SPATA9: variants seen among roughly 807,000 people sequenced by gnomAD.
SPATA9 encodes the protein spermatogenesis associated 9.
SPATA9 carries 27 observed loss-of-function variants against 25.5 expected under a neutral mutation model. The ratio of observed to expected loss-of-function variants is 1.06; its 90% confidence interval spans 0.78 to 1.46. The LOEUF is 1.46. Ranked by LOEUF, SPATA9 falls within the 40% of genes most tolerant of loss-of-function variation. The pLI is 0.00. For missense variants in SPATA9, 282 were observed against 297.5 expected, an observed-to-expected ratio of 0.95 and a Z score of 0.38; for synonymous variants, 102 against 105.7, an observed-to-expected ratio of 0.97 and a Z score of 0.21.
the SPATA9 span, among the ~76,000 whole-genome samples, chr5:95,703,845 T>C: frequency 6.6e-6 from 1 of 152,204 alleles, no homozygotes; most frequent in Non-Finnish European, 1.5e-5. Context: ...AATCATCAAT[T>C]ATTCACATAT....
At chr5:95,669,274 C>A (rs1752123217) in intron 3 of SPATA9, among the ~76,000 whole-genome samples, 1 of 152,168 alleles carries the variant, frequency 6.6e-6, no homozygotes, top group South Asian at 2.1e-4. Context: ...GGAGTTCTAT[C>A]TAGGAAATAT....
intron 3 of SPATA9, chr5:95,671,007 A>G: frequency 3.8e-6 from 2 of 529,682 alleles, no homozygotes; most frequent in Non-Finnish European, 4.8e-6. Context: ...CCAGCCCCCA[A>G]GGACCCTGGA....
intron 1 of SPATA9, among the ~76,000 whole-genome samples, chr5:95,692,883 A>T (rs943917469): frequency 2.0e-5 from 3 of 152,174 alleles, no homozygotes; most frequent in Admixed American, 1.3e-4. Context: ...AATGTTCTAA[A>T]TCATACAAAG....
At chr5:95,718,426 C>T in the SPATA9 span, among the ~76,000 whole-genome samples, 3 of 152,184 alleles carry the variant, frequency 2.0e-5, no homozygotes, top group African/African-American at 4.8e-5. Context: ...ACGGATGTGG[C>T]TACATGCAAA....
exon 9 of SPATA9, chr5:95,653,012 G>T: frequency 6.8e-7 from 1 of 1,475,346 alleles, no homozygotes; most frequent in South Asian, 1.4e-5. Context: ...TGCACAACCT[G>T]GCTCCTGCCT....
the SPATA9 span, among the ~76,000 whole-genome samples, chr5:95,718,910 C>G: frequency 7.9e-5 from 12 of 152,284 alleles, no homozygotes; most frequent in African/African-American, 2.9e-4. Flanking sequence ...ATGATGGAAA[C>G]AGGGTAGAAG....
intron 3 of SPATA9, among the ~76,000 whole-genome samples, chr5:95,666,230 C>G (rs575664495): frequency 3.6e-4 from 55 of 152,246 alleles, no homozygotes; most frequent in Middle Eastern, 3.4e-3. Context: ...AAATAGTACT[C>G]CAGGGCCCAA....
At chr5:95,685,010 C>T (rs550108101), upstream of SPATA9, among the ~76,000 whole-genome samples, 28 of 152,304 alleles carry the variant, frequency 1.8e-4, no homozygotes, top group African/African-American at 6.5e-4. Context: ...CACATATAGA[C>T]AGTATAAACT....
chr5:95,669,189 G>A (rs577017898), intron 3 of SPATA9, among the ~76,000 whole-genome samples: 16 of 152,098 alleles, frequency 1.1e-4, no homozygotes, highest in African/African-American at 3.1e-4. Flanking sequence ...CTTTTAATCC[G>A]GTGGTCCTGT....
chr5:95,686,598 A>T (rs2112699969), upstream of SPATA9, among the ~76,000 whole-genome samples: 1 of 152,350 alleles, frequency 6.6e-6, no homozygotes, highest in East Asian at 1.9e-4. Context: ...CGTGCAGAAG[A>T]AGTCTCAACA....
At chr5:95,708,878 A>G in the SPATA9 span, 1 of 459,960 alleles carries the variant, frequency 2.2e-6, no homozygotes, top group Non-Finnish European at 3.9e-6. Flanking sequence ...GAAGGCACGG[A>G]GGACATAATA....
At chr5:95,723,956 C>T in the SPATA9 span, among the ~76,000 whole-genome samples, 1 of 152,160 alleles carries the variant, frequency 6.6e-6, no homozygotes, top group Non-Finnish European at 1.5e-5. Context: ...TACAATAAAA[C>T]ACAAACAGAA....
At chr5:95,665,285 G>A (rs151065712) in intron 3 of SPATA9, among the ~76,000 whole-genome samples, 196 of 152,226 alleles carry the variant, frequency 1.3e-3, no homozygotes, top group African/African-American at 4.4e-3. Context: ...ACCCTACTGC[G>A]CAGTAGAACA....
the SPATA9 span, among the ~76,000 whole-genome samples, chr5:95,720,258 G>A: frequency 1.0e-3 from 158 of 152,200 alleles, 1 homozygote; most frequent in Non-Finnish European, 2.0e-3. Flanking sequence ...AGGCCAGCCT[G>A]AGCAGCCCAG....
intron 1 of SPATA9, among the ~76,000 whole-genome samples, chr5:95,689,000 C>T (rs1260654008): frequency 1.3e-5 from 2 of 151,978 alleles, no homozygotes; most frequent in African/African-American, 2.4e-5. Flanking sequence ...ATGCAAGCAC[C>T]GAAGACACAT....
intron 3 of SPATA9, among the ~76,000 whole-genome samples, chr5:95,675,005 T>C (rs1300880624): frequency 6.6e-6 from 1 of 152,180 alleles, no homozygotes; most frequent in East Asian, 1.9e-4. Context: ...TCAATAAGAA[T>C]GTAGAAAACG....
chr5:95,693,921 G>C (rs1320090574), intron 1 of SPATA9, among the ~76,000 whole-genome samples: 1 of 152,092 alleles, frequency 6.6e-6, no homozygotes, highest in Non-Finnish European at 1.5e-5. Flanking sequence ...AGAACTTTGG[G>C]AGGCCAAGGC....
chr5:95,656,570 G>A (rs2112528994), downstream of SPATA9: 3 of 254,402 alleles, frequency 1.2e-5, no homozygotes, highest in Middle Eastern at 2.4e-3. Context: ...GTTTAAGAAG[G>A]ATAAAAATAA....
chr5:95,677,303 G>A (rs1341878211), intron 2 of SPATA9, among the ~76,000 whole-genome samples: 2 of 152,108 alleles, frequency 1.3e-5, no homozygotes, highest in South Asian at 2.1e-4. Context: ...AGTAGTGTCT[G>A]GCATGTAATA....
Sources: gnomAD v4.1 joint callset for allele counts (sites outside exome capture counted in the v4.1 genomes callset) on GRCh38, gnomAD v4.1.1 for gene constraint, MANE v1.5 for transcripts, NCBI Gene and HGNC (gene_info 2026-07-23, HGNC 2026-07-21) for gene names.